CBR4: variants seen among roughly 807,000 people sequenced by gnomAD.
The protein encoded by CBR4 is 3-oxoacyl-[acyl-carrier-protein] reductase.
CBR4 carries 22 observed loss-of-function variants against 21.0 expected under a neutral mutation model. The ratio of observed to expected loss-of-function variants is 1.05; its 90% CI spans 0.75 to 1.50. CBR4 has a LOEUF of 1.50. CBR4 is among the 40% of genes most tolerant of loss of function. The probability of loss-of-function intolerance (pLI) is 0.00; values close to 1 mark genes in which losing one functional copy is unlikely to be tolerated. For synonymous variants in CBR4, 100 were observed against 104.4 expected, an observed-to-expected ratio of 0.96 and a Z score of 0.26; for missense variants, 302 against 286.3, an observed-to-expected ratio of 1.05 and a Z score of -0.40.
intron 2 of CBR4, among the ~76,000 whole-genome samples, chr4:168,963,623 G>A (rs1310087834): frequency 2.6e-5 from 4 of 151,724 alleles, no homozygotes; most frequent in South Asian, 4.2e-4. Flanking sequence ...GGTGCCCACC[G>A]CCATGCCCAG....
intron 2 of CBR4, among the ~76,000 whole-genome samples, chr4:168,909,866 G>T (rs967870280): frequency 4.6e-5 from 7 of 152,090 alleles, no homozygotes; most frequent in Non-Finnish European, 7.4e-5. Context: ...AACTCTGGGG[G>T]TTTTTTCCCC....
chr4:168,935,639 C>T (rs1376147762), intron 2 of CBR4, among the ~76,000 whole-genome samples: 2 of 152,154 alleles, frequency 1.3e-5, no homozygotes, highest in Non-Finnish European at 2.9e-5. Flanking sequence ...TAAAAAAAAG[C>T]CTCCAGGAAA....
At chr4:168,971,729 C>A (rs1764216323) in intron 2 of CBR4, among the ~76,000 whole-genome samples, 1 of 152,116 alleles carries the variant, frequency 6.6e-6, no homozygotes, top group East Asian at 1.9e-4. Flanking sequence ...TGAATATTTT[C>A]TCCCACTCTG....
intron 2 of CBR4, among the ~76,000 whole-genome samples, chr4:168,956,109 A>C (rs774534805): frequency 1.1e-4 from 16 of 152,354 alleles, no homozygotes; most frequent in Non-Finnish European, 2.1e-4. Context: ...TTTTGTGAAC[A>C]AACCAGAAAT....
At chr4:168,903,237 A>T (rs1756926811) in intron 2 of CBR4, among the ~76,000 whole-genome samples, 1 of 152,184 alleles carries the variant, frequency 6.6e-6, no homozygotes, top group African/African-American at 2.4e-5. Flanking sequence ...ACCCTTAGTC[A>T]TCACCTCCCT....
At chr4:168,916,957 C>T (rs576785865) in intron 2 of CBR4, among the ~76,000 whole-genome samples, 2 of 150,668 alleles carry the variant, frequency 1.3e-5, no homozygotes, top group South Asian at 4.2e-4. Flanking sequence ...GTGTGAGCCA[C>T]AGTGCCCCGC....
chr4:169,006,920 TATA>T (rs1391568273), intron 2 of CBR4, 29 bp from the exon 3 acceptor site: 7 of 1,577,778 alleles, frequency 4.4e-6, no homozygotes, highest in Non-Finnish European at 6.1e-6. Flanking sequence ...TATAATAGCA[TATA>T]ATAACAAGAT....
At position 168,924,273 on chromosome 4, in the gene CBR4, C is replaced by T; in HGVS notation, n.170-29508G>A. 1 of 1,613,822 alleles carries T rather than the reference C, an allele frequency of 6.2e-7. No individual in the cohort carries two copies. The highest frequency in any genetic ancestry group is 8.5e-7 in the Non-Finnish European group (1 of 1,179,824). On this transcript the variant is annotated intron_variant and non_coding_transcript_variant, in intron 2 of 3. Transcript: ENST00000509108. ...TTCTTAGCTAAAGAAGCACACAAAC[C>T]CCCTGTGTTTATTGAGAAGCTCCAA...
At chr4:169,009,827 C>G (rs1731253770) in intron 1 of CBR4, 121 bp downstream of exon 1, 1 of 899,380 alleles carries the variant, frequency 1.1e-6, no homozygotes. Context: ...AGCGCCTGCA[C>G]GCGGCTACAT....
At chr4:168,931,933 A>G (rs552331775) in intron 2 of CBR4, among the ~76,000 whole-genome samples, 88 of 148,192 alleles carry the variant, frequency 5.9e-4, no homozygotes, top group Non-Finnish European at 1.1e-3. Flanking sequence ...AGATCCTCCA[A>G]TACAAATACG....
chr4:168,914,216 G>A (rs1176985549), intron 2 of CBR4: 10 of 596,122 alleles, frequency 1.7e-5, no homozygotes, highest in East Asian at 1.2e-4. Context: ...ACAAACATTC[G>A]CTAATGTGTG....
chr4:168,965,332 A>G (rs1417317704), intron 2 of CBR4, among the ~76,000 whole-genome samples: 8 of 152,190 alleles, frequency 5.3e-5, no homozygotes, highest in Admixed American at 5.2e-4. Context: ...TGCCCAAGGT[A>G]ATTTATAGAT....
At chr4:168,951,064 T>A (rs1260481612) in intron 2 of CBR4, among the ~76,000 whole-genome samples, 2 of 152,114 alleles carry the variant, frequency 1.3e-5, no homozygotes, top group African/African-American at 2.4e-5. Flanking sequence ...ATATCTTTTT[T>A]TCTTCTTTTT....
intron 2 of CBR4, among the ~76,000 whole-genome samples, chr4:168,981,466 A>G (rs747601865): frequency 4.6e-5 from 7 of 152,184 alleles, no homozygotes; most frequent in Non-Finnish European, 8.8e-5. Context: ...AAACCTGCCT[A>G]TAAGAATTTC....
chr4:168,914,128 G>A (rs984550887), intron 2 of CBR4: 2 of 765,364 alleles, frequency 2.6e-6, no homozygotes, highest in Non-Finnish European at 4.6e-6. Flanking sequence ...ATAACTGGAA[G>A]ATAGAATAGG....
intron 2 of CBR4, among the ~76,000 whole-genome samples, chr4:168,934,876 C>T (rs779642255): frequency 1.8e-4 from 27 of 151,970 alleles, no homozygotes; most frequent in Non-Finnish European, 2.5e-4. Context: ...AAGGACATAA[C>T]AAAAAAACAA....
intron 2 of CBR4, among the ~76,000 whole-genome samples, chr4:168,938,343 T>C (rs1032924948): frequency 3.9e-5 from 6 of 152,170 alleles, no homozygotes; most frequent in African/African-American, 1.4e-4. Flanking sequence ...TAGCACTAAA[T>C]GCCCACAAGA....
chr4:168,930,356 T>A (rs1052851989), intron 2 of CBR4, among the ~76,000 whole-genome samples: 10 of 151,948 alleles, frequency 6.6e-5, no homozygotes, highest in Non-Finnish European at 1.3e-4. Context: ...GGATAAAAAA[T>A]TTGAGGAAAG....
chr4:168,915,739 T>C (rs946927549), intron 2 of CBR4, among the ~76,000 whole-genome samples: 1 of 152,206 alleles, frequency 6.6e-6, no homozygotes, highest in Admixed American at 6.5e-5. Flanking sequence ...AACAAGAGTT[T>C]GCTTTTCTGA....
Sources: gnomAD v4.1 joint callset for allele counts (sites outside exome capture counted in the v4.1 genomes callset) on GRCh38, gnomAD v4.1.1 for gene constraint, MANE v1.5 for transcripts, NCBI Gene and HGNC (gene_info 2026-07-23, HGNC 2026-07-21) for gene names.